AGBL4: variants seen among roughly 807,000 people sequenced by gnomAD.
The protein encoded by AGBL4 is AGBL carboxypeptidase 4.
AGBL4 carries 58 observed loss-of-function variants against 66.4 expected under a neutral mutation model. That is an observed-to-expected ratio of 0.87 (90% CI 0.71 to 1.09). AGBL4 has a LOEUF of 1.09. Among genes scored for constraint, AGBL4 ranks in the 50% least tolerant of loss-of-function variants. The probability of loss-of-function intolerance (pLI) is 0.00; values close to 1 mark genes in which losing one functional copy is unlikely to be tolerated. For missense variants in AGBL4, 579 were observed against 631.0 expected, an observed-to-expected ratio of 0.92 and a Z score of 0.88; for synonymous variants, 234 against 222.9, an observed-to-expected ratio of 1.05 and a Z score of -0.44.
intron 4 of AGBL4, among the ~76,000 whole-genome samples, chr1:49,155,407 A>G (rs1180231933): frequency 1.3e-5 from 2 of 152,188 alleles, no homozygotes; most frequent in Non-Finnish European, 2.9e-5. Context: ...TAAGATGTTT[A>G]CTTGCATTAA....
chr1:48,883,808 AG>A (rs1376466631), intron 5 of AGBL4, among the ~76,000 whole-genome samples: 1 of 152,214 alleles, frequency 6.6e-6, no homozygotes, highest in Non-Finnish European at 1.5e-5. Context: ...TTAAGAAGTC[AG>A]GGTTTTCTAA....
intron 5 of AGBL4, among the ~76,000 whole-genome samples, chr1:49,012,856 C>T (rs957924148): frequency 2.6e-5 from 4 of 152,130 alleles, no homozygotes; most frequent in Non-Finnish European, 5.9e-5. Flanking sequence ...GAGGTGGGAC[C>T]TGTAAGAGAT....
At chr1:48,996,549 G>A (rs1410070345) in intron 5 of AGBL4, among the ~76,000 whole-genome samples, 1 of 152,190 alleles carries the variant, frequency 6.6e-6, no homozygotes, top group Non-Finnish European at 1.5e-5. Flanking sequence ...TCAGTTAACT[G>A]TGTGAAGTGC....
intron 3 of AGBL4, among the ~76,000 whole-genome samples, chr1:49,417,495 T>C (rs1176661584): frequency 6.6e-6 from 1 of 152,080 alleles, no homozygotes. Flanking sequence ...CAATAGTAGT[T>C]GATTAGGATA....
At chr1:48,996,755 G>C (rs1661025248) in intron 5 of AGBL4, among the ~76,000 whole-genome samples, 2 of 152,114 alleles carry the variant, frequency 1.3e-5, no homozygotes, top group South Asian at 4.2e-4. Flanking sequence ...ATTTTGGTAT[G>C]AAGTAGAGAA....
intron 6 of AGBL4, among the ~76,000 whole-genome samples, chr1:48,694,047 T>G (rs900359864): frequency 1.1e-4 from 8 of 75,584 alleles, no homozygotes; most frequent in Non-Finnish European, 1.4e-4. Flanking sequence ...TTTTCCCTAT[T>G]CAAAAAAAAA....
At chr1:49,064,199 T>C (rs965631691) in intron 4 of AGBL4, among the ~76,000 whole-genome samples, 3 of 152,198 alleles carry the variant, frequency 2.0e-5, no homozygotes, top group Non-Finnish European at 4.4e-5. Flanking sequence ...AACAAAGAAT[T>C]TAGGTTGTAG....
At chr1:48,642,955 C>T (rs555155989) in intron 8 of AGBL4, among the ~76,000 whole-genome samples, 1 of 152,174 alleles carries the variant, frequency 6.6e-6, no homozygotes, top group Non-Finnish European at 1.5e-5. Context: ...TTGGCCAACA[C>T]ATTTTTGTCT....
intron 3 of AGBL4, among the ~76,000 whole-genome samples, chr1:49,458,076 G>C (rs970267365): frequency 1.3e-5 from 2 of 151,292 alleles, no homozygotes; most frequent in Non-Finnish European, 3.0e-5. Flanking sequence ...TTGTTTTTAC[G>C]GGTTCTGTGA....
At chr1:49,871,755 T>C (rs545489404) in intron 1 of AGBL4, among the ~76,000 whole-genome samples, 2 of 152,302 alleles carry the variant, frequency 1.3e-5, no homozygotes, top group African/African-American at 2.4e-5. Flanking sequence ...TCCTAACATA[T>C]GTTATCAGTA....
chr1:49,883,840 GA>G (rs1044978579), intron 1 of AGBL4, among the ~76,000 whole-genome samples: 2 of 151,138 alleles, frequency 1.3e-5, no homozygotes, highest in African/African-American at 4.9e-5. Context: ...AAAAGGAGAG[GA>G]AAAAAAACTA....
intron 9 of AGBL4, among the ~76,000 whole-genome samples, chr1:48,622,307 C>A (rs1264312303): frequency 6.6e-6 from 1 of 152,082 alleles, no homozygotes; most frequent in Non-Finnish European, 1.5e-5. Flanking sequence ...CCTTGCTTGA[C>A]CCCTAAGTCC....
intron 6 of AGBL4, among the ~76,000 whole-genome samples, chr1:48,847,975 T>C (rs1646956507): frequency 6.6e-6 from 1 of 152,216 alleles, no homozygotes; most frequent in African/African-American, 2.4e-5. Flanking sequence ...CTGTTGGCAT[T>C]GTCTCATCAG....
intron 3 of AGBL4, among the ~76,000 whole-genome samples, chr1:49,611,690 T>C (rs964270425): frequency 6.6e-6 from 1 of 152,236 alleles, no homozygotes; most frequent in African/African-American, 2.4e-5. Flanking sequence ...ATCAACCATA[T>C]TCTTAGAGGT....
chr1:48,727,164 G>T (rs76799589), intron 6 of AGBL4, among the ~76,000 whole-genome samples: 1 of 152,128 alleles, frequency 6.6e-6, no homozygotes, highest in Non-Finnish European at 1.5e-5. Flanking sequence ...TGAAAGAACC[G>T]ATACCAGGTA....
chr1:49,953,063 T>C (rs1656296702), intron 1 of AGBL4, among the ~76,000 whole-genome samples: 1 of 151,828 alleles, frequency 6.6e-6, no homozygotes, highest in Non-Finnish European at 1.5e-5. Context: ...CACACTGAAG[T>C]AGCTAATAAA....
intron 4 of AGBL4, among the ~76,000 whole-genome samples, chr1:49,219,289 G>C (rs1649317077): frequency 6.6e-6 from 1 of 152,110 alleles, no homozygotes; most frequent in Non-Finnish European, 1.5e-5. Flanking sequence ...GTTTGCATAT[G>C]TCTCCCCAGT....
chr1:49,367,217 G>A (rs1644256462), intron 3 of AGBL4, among the ~76,000 whole-genome samples: 1 of 152,220 alleles, frequency 6.6e-6, no homozygotes, highest in South Asian at 2.1e-4. Context: ...GATCTCTAAT[G>A]TTGGAAGAAA....
At chr1:49,940,214 G>C (rs921688206) in intron 1 of AGBL4, among the ~76,000 whole-genome samples, 1 of 152,176 alleles carries the variant, frequency 6.6e-6, no homozygotes, top group African/African-American at 2.4e-5. Flanking sequence ...AGGTGCTGGA[G>C]AGGATGTGGA....
Sources: allele counts gnomAD v4.1 joint callset (sites outside exome capture counted in the v4.1 genomes callset), GRCh38; gene constraint gnomAD v4.1.1; transcripts MANE v1.5; gene names NCBI Gene and HGNC (gene_info 2026-07-23, HGNC 2026-07-21).